NPAS3: variants seen among roughly 807,000 people sequenced by gnomAD.
NPAS3 encodes the protein neuronal PAS domain protein 3.
Under a neutral mutation model 73.1 loss-of-function variants are expected in NPAS3, and 14 were observed. That is an observed-to-expected ratio of 0.19 (90% confidence interval 0.13 to 0.30). The LOEUF (loss-of-function observed/expected upper bound fraction) is 0.30. Among genes scored for constraint, NPAS3 ranks in the 10% least tolerant of loss-of-function variants. The pLI is 1.00. For missense variants in NPAS3, 1,096 were observed against 1,250.0 expected (o/e 0.88, Z 1.86); for synonymous variants, 620 against 541.5 (o/e 1.14, Z -2.01).
intron 3 of NPAS3, among the ~76,000 whole-genome samples, chr14:33,302,498 A>G (rs1019380759): frequency 3.3e-5 from 5 of 152,250 alleles, no homozygotes; most frequent in African/African-American, 9.6e-5. Flanking sequence ...TTATTAGTCT[A>G]TGCATCAAAG....
At chr14:33,051,502 T>A (rs1226345418) in intron 1 of NPAS3, among the ~76,000 whole-genome samples, 1 of 152,164 alleles carries the variant, frequency 6.6e-6, no homozygotes, top group Admixed American at 6.5e-5. Flanking sequence ...TTTGTAGCTA[T>A]GAATGTCCAC....
chr14:33,532,590 C>G lies in NPAS3; in HGVS notation c.469-27531C>G, dbSNP rs141930763. Among the ~76,000 whole-genome samples, 872 of 152,200 alleles carry G rather than the reference C, an allele frequency of 5.7e-3. 4 individuals are homozygous for G. Among genetic ancestry groups the G allele is most frequent in the Middle Eastern group, 0.014 (4 of 294 alleles). On this transcript the variant is annotated intron_variant, in intron 4 of 11. Coordinates refer to ENST00000356141, the Ensembl canonical transcript of NPAS3. ...GCTCAACCTAGGATTTGAACCCAGA[C>G]CTCCCTGACTCTGGAAGTTCTCTCT...
intron 2 of NPAS3, among the ~76,000 whole-genome samples, chr14:33,157,979 GTAA>G (rs1244923770): frequency 6.6e-6 from 1 of 152,274 alleles, no homozygotes; most frequent in African/African-American, 2.4e-5. Context: ...ATGTTGGCTG[GTAA>G]TAATGATACT....
Position 33,522,103 on chromosome 14 carries a change from G to T in NPAS3, c.469-38018G>T, listed in dbSNP as rs148181345. On this transcript the variant is annotated intron_variant, in intron 4 of 11. Coordinates refer to ENST00000356141, the Ensembl canonical transcript of NPAS3. ...TTTAGAAGCCTTTAAAAACACACAC[G>T]CACATAGTGTTTGCTCTGAATTAAG... Among the ~76,000 whole-genome samples the T allele has an allele frequency of 3.5e-4, 53 of 152,234 alleles. No homozygotes were observed. The Middle Eastern group carries it at 0.01, about 29-fold the overall frequency.
At chr14:33,213,213 G>A (rs1434635511) in intron 2 of NPAS3, among the ~76,000 whole-genome samples, 1 of 140,832 alleles carries the variant, frequency 7.1e-6, no homozygotes, top group African/African-American at 2.7e-5. Context: ...CTGCTCTAGA[G>A]CCCCATCATA....
At chr14:33,616,067 C>T (rs181959246) in intron 5 of NPAS3, among the ~76,000 whole-genome samples, 62 of 152,256 alleles carry the variant, frequency 4.1e-4, no homozygotes, top group African/African-American at 1.5e-3. Flanking sequence ...GCCAGTGTTT[C>T]CCAGCCCTTG....
intron 5 of NPAS3, among the ~76,000 whole-genome samples, chr14:33,596,834 C>T (rs543891995): frequency 6.6e-6 from 1 of 152,240 alleles, no homozygotes; most frequent in Non-Finnish European, 1.5e-5. Context: ...GTGACAGCTT[C>T]GTGACAGCAG....
chr14:33,477,640 A>G (rs1209243754), intron 4 of NPAS3, among the ~76,000 whole-genome samples: 2 of 152,164 alleles, frequency 1.3e-5, no homozygotes, highest in Non-Finnish European at 2.9e-5. Context: ...GCTAGTTCTG[A>G]TTAAACACTT....
chr14:33,615,042 T>C (rs2057870325), intron 5 of NPAS3, among the ~76,000 whole-genome samples: 1 of 152,186 alleles, frequency 6.6e-6, no homozygotes, highest in Middle Eastern at 3.4e-3. Context: ...GTTCTGTAAG[T>C]AGAGCTGAAG....
At chr14:33,374,955 T>C (rs940472136) in intron 4 of NPAS3, among the ~76,000 whole-genome samples, 1 of 152,192 alleles carries the variant, frequency 6.6e-6, no homozygotes, top group Admixed American at 6.6e-5. Context: ...CAGTGATATC[T>C]TCAAGTCTAT....
chr14:33,629,746 AT>A lies in NPAS3; in HGVS notation c.559-46454del, dbSNP rs57339240. ...CGAGTCCACAGCCATTTGTTTTTCT[AT>A]TTTTTTTTTTCCATTTTCATACCTT... On this transcript the variant is annotated intron_variant, in intron 5 of 11. Coordinates refer to ENST00000356141, the Ensembl canonical transcript of NPAS3. Among the ~76,000 whole-genome samples, 1,752 of 144,844 alleles carry A rather than the reference AT, an allele frequency of 0.012. 49 individuals carry two copies. The East Asian group carries it at 0.13, about 11-fold the overall frequency.
At chr14:32,938,561 C>T (rs945500593), upstream of NPAS3, among the ~76,000 whole-genome samples, 6 of 135,602 alleles carry the variant, frequency 4.4e-5, no homozygotes, top group South Asian at 1.4e-3. Context: ...CGAGAGAGCG[C>T]TCTGGAGCAA....
intron 6 of NPAS3, chr14:33,680,689 C>G: frequency 1.4e-6 from 1 of 700,912 alleles, no homozygotes; most frequent in Middle Eastern, 2.3e-4. Flanking sequence ...TCAGAGAGAA[C>G]TCAGCCAGGG....
intron 4 of NPAS3, among the ~76,000 whole-genome samples, chr14:33,474,349 A>C (rs935055184): frequency 1.3e-5 from 2 of 152,214 alleles, no homozygotes; most frequent in Non-Finnish European, 2.9e-5. Context: ...TCTGGATTAT[A>C]TTGACAAGGA....
chr14:33,087,897 G>A (rs765309240), intron 2 of NPAS3, among the ~76,000 whole-genome samples: 14 of 152,088 alleles, frequency 9.2e-5, no homozygotes, highest in Non-Finnish European at 1.9e-4. Flanking sequence ...ATTCATAATT[G>A]TTTTCATACT....
intron 2 of NPAS3, among the ~76,000 whole-genome samples, chr14:33,167,878 G>A (rs1352925782): frequency 3.3e-5 from 5 of 152,250 alleles, no homozygotes; most frequent in African/African-American, 4.8e-5. Context: ...TTACAATAAC[G>A]AAAATCCTTG....
intron 5 of NPAS3, among the ~76,000 whole-genome samples, chr14:33,669,869 G>A (rs2059561315): frequency 6.6e-6 from 1 of 152,150 alleles, no homozygotes; most frequent in African/African-American, 2.4e-5. Context: ...TGGTTATGCA[G>A]TATCTCTTGT....
At chr14:33,649,350 A>G (rs1489389723) in intron 5 of NPAS3, among the ~76,000 whole-genome samples, 1 of 152,252 alleles carries the variant, frequency 6.6e-6, no homozygotes, top group Non-Finnish European at 1.5e-5. Context: ...CTCAAGAGAC[A>G]TGACGCTGGA....
chr14:33,056,862 G>T (rs899720443), intron 2 of NPAS3, among the ~76,000 whole-genome samples: 16 of 152,278 alleles, frequency 1.1e-4, no homozygotes, highest in African/African-American at 3.8e-4. Flanking sequence ...TAATTCCACT[G>T]AAGGCATTAT....
Sources: gnomAD v4.1 joint callset for allele counts (sites outside exome capture counted in the v4.1 genomes callset) on GRCh38, gnomAD v4.1.1 for gene constraint, MANE v1.5 for transcripts, NCBI Gene and HGNC (gene_info 2026-07-23, HGNC 2026-07-21) for gene names.